Variants in CCSER1 observed in about 807,000 individuals in gnomAD.
CCSER1 encodes the protein coiled-coil serine rich protein 1, also known as serine-rich coiled-coil domain-containing protein 1.
A neutral mutation model predicts 82.0 loss-of-function variants in CCSER1; 41 were observed. The observed-to-expected ratio is 0.50, with a 90% CI of 0.39 to 0.65. CCSER1 has a LOEUF of 0.65. CCSER1 is among the 30% of genes least tolerant of loss of function. CCSER1 has a pLI of 0.00. For missense variants in CCSER1, 1,119 were observed against 1,064.2 expected (o/e 1.05, Z -0.72); for synonymous variants, 414 against 383.9 (o/e 1.08, Z -0.92).
chr4:91,020,626 C>T (rs1420782236), intron 9 of CCSER1, among the ~76,000 whole-genome samples: 3 of 151,832 alleles, frequency 2.0e-5, no homozygotes, highest in Non-Finnish European at 2.9e-5. Flanking sequence ...CGCGCCACTG[C>T]ACTCCAGCCT....
chr4:90,963,926 T>C (rs998483067), intron 9 of CCSER1, among the ~76,000 whole-genome samples: 2 of 152,230 alleles, frequency 1.3e-5, no homozygotes, highest in Non-Finnish European at 2.9e-5. Flanking sequence ...TCTTCTTCTC[T>C]TGCTTTTGTT....
chr4:90,631,115 G>T (rs893324755), intron 6 of CCSER1, among the ~76,000 whole-genome samples: 1 of 152,074 alleles, frequency 6.6e-6, no homozygotes, highest in African/African-American at 2.4e-5. Context: ...GGATGGTCTT[G>T]ATCTCATGAC....
chr4:91,012,413 G>A (rs4693250), intron 9 of CCSER1, among the ~76,000 whole-genome samples: 60,459 of 130,948 alleles, frequency 0.46, 20,909 homozygotes, highest in East Asian at 0.74. Flanking sequence ...GCAGTGACTG[G>A]GAAGGGCATA....
chr4:90,560,607 G>A (rs1187587318), intron 5 of CCSER1, among the ~76,000 whole-genome samples: 1 of 152,086 alleles, frequency 6.6e-6, no homozygotes, highest in Admixed American at 6.6e-5. Context: ...ATAGCACTTT[G>A]TTGGGATTTT....
intron 4 of CCSER1, among the ~76,000 whole-genome samples, chr4:90,436,859 T>C (rs1056933090): frequency 6.6e-6 from 1 of 151,172 alleles, no homozygotes; most frequent in Non-Finnish European, 1.5e-5. Flanking sequence ...CAGGCTGGAG[T>C]GCAGTGGCGC....
intron 10 of CCSER1, among the ~76,000 whole-genome samples, chr4:91,254,784 T>C (rs1007318146): frequency 6.6e-6 from 1 of 152,150 alleles, no homozygotes; most frequent in African/African-American, 2.4e-5. Flanking sequence ...TAAAATGTTA[T>C]AGGTAATAAT....
At chr4:90,902,749 G>T (rs893242906) in intron 8 of CCSER1, among the ~76,000 whole-genome samples, 13 of 152,016 alleles carry the variant, frequency 8.6e-5, no homozygotes, top group Non-Finnish European at 1.8e-4. Flanking sequence ...TACAGTTCAG[G>T]ATCCAGTCCA....
At chr4:90,780,700 G>T (rs1250609121) in intron 7 of CCSER1, 1 of 1,312,210 alleles carries the variant, frequency 7.6e-7, no homozygotes, top group Non-Finnish European at 9.6e-7. Context: ...CAAGACAAAC[G>T]GTCAGGAGGC....
chr4:91,321,651 G>T (rs4308338), intron 10 of CCSER1, among the ~76,000 whole-genome samples: 1 of 151,868 alleles, frequency 6.6e-6, no homozygotes, highest in Non-Finnish European at 1.5e-5. Flanking sequence ...TCAACTTAAG[G>T]TTTTTTATTT....
chr4:90,319,279 A>C (rs907749406), intron 3 of CCSER1, among the ~76,000 whole-genome samples: 2 of 152,200 alleles, frequency 1.3e-5, no homozygotes, highest in African/African-American at 4.8e-5. Context: ...GCCAAGCAAA[A>C]GAATCCCACT....
chr4:91,189,102 C>G (rs1328462724), intron 10 of CCSER1, among the ~76,000 whole-genome samples: 2 of 151,886 alleles, frequency 1.3e-5, no homozygotes, highest in Non-Finnish European at 2.9e-5. Context: ...TTCTAGAGAG[C>G]CTAAATGTTA....
At chr4:91,464,446 T>G (rs1185261758) in intron 10 of CCSER1, among the ~76,000 whole-genome samples, 1 of 152,148 alleles carries the variant, frequency 6.6e-6, no homozygotes, top group Admixed American at 6.5e-5. Context: ...CTGCATCAAC[T>G]GACAAGCAAA....
intron 5 of CCSER1, among the ~76,000 whole-genome samples, chr4:90,568,658 A>T (rs376933323): frequency 2.0e-5 from 3 of 151,794 alleles, no homozygotes; most frequent in African/African-American, 7.3e-5. Flanking sequence ...TACATTCTAG[A>T]TAATTATTGA....
At chr4:90,169,035 G>A (rs1023377511) in intron 1 of CCSER1, among the ~76,000 whole-genome samples, 1 of 151,970 alleles carries the variant, frequency 6.6e-6, no homozygotes, top group African/African-American at 2.4e-5. Flanking sequence ...AGCTTGATGG[G>A]GATGGCACTG....
intron 10 of CCSER1, among the ~76,000 whole-genome samples, chr4:91,538,839 G>C (rs944554832): frequency 7.3e-5 from 11 of 151,642 alleles, no homozygotes. Flanking sequence ...AATCAGGGAA[G>C]GCTGATGCAA....
rs550673897 is a variant in CCSER1, at chr4:90,947,779, C to T, written c.2172+24332C>T. Among the ~76,000 whole-genome samples the T allele has an allele frequency of 2.5e-4, 38 of 152,142 alleles. No homozygotes were observed. The South Asian group carries it at 7.7e-3, about 31-fold the overall frequency. Reference sequence around the variant, plus strand: ...AAGTATCTCTAGAGACTGTAAGTGACAAGTATAATATCTTAAATGTGTGAA... The same window carrying T: ...AAGTATCTCTAGAGACTGTAAGTGATAAGTATAATATCTTAAATGTGTGAA... On this transcript the variant is annotated intron_variant, in intron 9 of 10. Coordinates refer to ENST00000509176, the MANE Select transcript of CCSER1 (RefSeq NM_001145065.2).
chr4:91,433,959 C>T (rs551163284), intron 10 of CCSER1, among the ~76,000 whole-genome samples: 1 of 152,264 alleles, frequency 6.6e-6, no homozygotes, highest in South Asian at 2.1e-4. Flanking sequence ...AGCAAATAAT[C>T]ATAGTATAGG....
At chr4:90,507,183 T>G (rs1351316247) in intron 5 of CCSER1, among the ~76,000 whole-genome samples, 1 of 152,130 alleles carries the variant, frequency 6.6e-6, no homozygotes, top group Admixed American at 6.5e-5. Context: ...AAAACAGCAG[T>G]GATTACTTCT....
intron 5 of CCSER1, among the ~76,000 whole-genome samples, chr4:90,476,613 A>G (rs1765149274): frequency 6.6e-6 from 1 of 152,196 alleles, no homozygotes; most frequent in South Asian, 2.1e-4. Flanking sequence ...TGGTTTATAT[A>G]TATTGAAAAA....
Sources: allele counts gnomAD v4.1 joint callset (sites outside exome capture counted in the v4.1 genomes callset), GRCh38; gene constraint gnomAD v4.1.1; transcripts MANE v1.5; gene names NCBI Gene and HGNC (gene_info 2026-07-23, HGNC 2026-07-21).